The following PHF6 variants were observed in gnomAD, a reference collection of about 807,000 sequenced individuals.
The protein encoded by PHF6 is PHD-like zinc finger protein.
PHF6 carries 7 observed loss-of-function variants against 34.0 expected under a neutral mutation model. The ratio of observed to expected loss-of-function variants is 0.21; its 90% CI spans 0.12 to 0.39. The LOEUF is 0.39. Among genes scored for constraint, PHF6 ranks in the 10% least tolerant of loss-of-function variants. The probability of loss-of-function intolerance (pLI) is 1.00; values close to 1 mark genes in which losing one functional copy is unlikely to be tolerated. For missense variants in PHF6, 128 were observed against 262.8 expected (o/e 0.49, Z 3.55); for synonymous variants, 89 against 88.4 (o/e 1.01, Z -0.04).
At chrX:134,379,445 T>C (rs943025764) in intron 3 of PHF6, among the ~76,000 whole-genome samples, 49 of 87,107 alleles carry the variant, frequency 5.6e-4, no homozygotes, top group African/African-American at 1.9e-3. Flanking sequence ...TTTTTTTTTT[T>C]TTTTTTTTTT....
At chrX:134,424,236 A>G in intron 9 of PHF6, among the ~76,000 whole-genome samples, 1 of 111,814 alleles carries the variant, frequency 8.9e-6, no homozygotes, top group Non-Finnish European at 1.9e-5. Context: ...GTATACCCAA[A>G]TAAAAGGTTA....
Position 134,417,165 on chromosome X carries a change from A to G in PHF6, c.835-4A>G, listed in dbSNP as rs753037791. On this transcript the variant is annotated splice_region_variant and splice_polypyrimidine_tract_variant and intron_variant, in intron 8 of 10. Coordinates refer to ENST00000370803, the MANE Select transcript of PHF6 (RefSeq NM_001015877.2). ...CTTACGATTATTTCTCTTTCCTTATACAGAAATGTACACTTTGCAGTCAGC... is the reference window on the plus strand; with the variant it reads ...CTTACGATTATTTCTCTTTCCTTATGCAGAAATGTACACTTTGCAGTCAGC... The G allele has an allele frequency of 8.3e-7, 1 of 1,210,556 alleles. No individual in the cohort carries two copies. Among genetic ancestry groups the G allele is most frequent in the East Asian group, 3.0e-5 (1 of 33,820 alleles).
At chrX:134,380,237 C>T (rs1320220402) in intron 3 of PHF6, among the ~76,000 whole-genome samples, 15 of 106,899 alleles carry the variant, frequency 1.4e-4, no homozygotes, top group African/African-American at 4.8e-4. Flanking sequence ...AGCTCCACCT[C>T]CCAGGTTCAC....
rs1319295097 is a variant in PHF6, at chrX:134,378,072, A to G, written c.206A>G (p.Asp69Gly). 8.3e-7 allele frequency: 1 copy of G among 1,203,761 alleles called. No individual in the cohort carries two copies. Among genetic ancestry groups the G allele is most frequent in the East Asian group, 3.0e-5 (1 of 33,626 alleles). ...AGTCTTGGTGGATTTTCTATTGAAG[A>G]TGTCCAAAAGGAAATTAAAAGAGGC... ...NESLGGFSIE[D>G]VQKEIKRGTK... The change falls in exon 3 of 11, where the codon GAT (aspartate) becomes GGT (glycine). Residue 69 changes from aspartate (D) to glycine (G), a missense_variant. Physicochemically the swap from Asp to Gly is moderately conservative, Grantham distance 94 (BLOSUM62 -1). Around this residue, in one of 3 missense-constraint regions of PHF6, gnomAD observed 97 missense variants for 152.9 expected, o/e 0.63. Coordinates refer to ENST00000370803, the MANE Select transcript of PHF6 (RefSeq NM_001015877.2).
intron 3 of PHF6, among the ~76,000 whole-genome samples, chrX:134,392,800 GA>G (rs2077360596): frequency 9.4e-6 from 1 of 106,630 alleles, no homozygotes; most frequent in Non-Finnish European, 1.9e-5. Context: ...TAATTAAGTG[GA>G]TTTTTTTTTT....
At chrX:134,380,853 G>GTTTGTT (rs1321702317) in intron 3 of PHF6, among the ~76,000 whole-genome samples, 2 of 111,226 alleles carry the variant, frequency 1.8e-5, no homozygotes, top group Non-Finnish European at 3.8e-5. Flanking sequence ...TATTGTTTTT[G>GTTTGTT]TTTGTTTTTG....
chrX:134,377,535 ATAAAAT>A (rs2077283035), intron 1 of PHF6, 31 bp from the exon 2 acceptor site: 3 of 1,041,581 alleles, frequency 2.9e-6, no homozygotes, highest in African/African-American at 3.8e-5. Context: ...TGATTTTAAA[ATAAAAT>A]TAACATTGTC....
chrX:134,403,986 G>A (rs2077412778), intron 5 of PHF6, among the ~76,000 whole-genome samples: 1 of 112,238 alleles, frequency 8.9e-6, no homozygotes, highest in African/African-American at 3.2e-5. Context: ...ACAAGGAGAT[G>A]AATGTTGTCT....
In PHF6 at chrX:134,426,760, A is replaced by T. The variant is rs930875890; in HGVS notation, c.*1100A>T. 3 of 160,539 alleles carry T rather than the reference A, an allele frequency of 1.9e-5. No homozygotes were observed. The highest frequency in any genetic ancestry group is 2.1e-3 in the Middle Eastern group (1 of 477). The allele number at this position is 160,539 out of a possible 1,213,427, so 13.2% of individuals were successfully genotyped here. On this transcript the variant is annotated 3_prime_UTR_variant, in exon 11 of 11. Transcript: ENST00000370803. ...CTAAGAACCCAGCTTTTTAGAAAGG[A>T]TTTTCACACTGGCATTTCTAGGTAG... is the stretch of plus-strand genomic sequence containing the variant.
Position 134,428,194 on chromosome X carries a change from G to T in PHF6, c.*2534G>T. On this transcript the variant is annotated 3_prime_UTR_variant, in exon 11 of 11. Coordinates refer to ENST00000370803, the MANE Select transcript of PHF6 (RefSeq NM_001015877.2). ...GCAAGCGTATATTGAAGATTATTCT[G>T]GAGCATTTATTGCCTTACCAGAAAT... 1 of 150,473 alleles carries T rather than the reference G, an allele frequency of 6.6e-6. No individual in the cohort carries two copies. Among genetic ancestry groups the T allele is most frequent in the Non-Finnish European group, 1.3e-5 (1 of 76,861 alleles). The allele number at this position is 150,473 out of a possible 1,213,427, so 12.4% of individuals were successfully genotyped here.
chrX:134,377,898 A>G (rs753517215), intron 2 of PHF6, 107 bp from the exon 3 acceptor site: 7 of 918,282 alleles, frequency 7.6e-6, no homozygotes, highest in African/African-American at 2.0e-5. Context: ...CACTAATGCT[A>G]TGCCATTTTT....
chrX:134,391,737 G>A (rs947727817), intron 3 of PHF6, among the ~76,000 whole-genome samples: 45 of 111,719 alleles, frequency 4.0e-4, no homozygotes, highest in African/African-American at 1.4e-3. Flanking sequence ...GTAGAATTAC[G>A]TTTCACTAAG....
chrX:134,381,566 C>T (rs1023267495), intron 3 of PHF6, among the ~76,000 whole-genome samples: 77 of 107,580 alleles, frequency 7.2e-4, no homozygotes, highest in African/African-American at 2.6e-3. Context: ...GCGATCTCGG[C>T]TCACTGCAAC....
Position 134,427,520 on chromosome X carries a change from G to A in PHF6, c.*1860G>A, listed in dbSNP as rs771199965. 5 of 157,512 alleles carry A rather than the reference G, an allele frequency of 3.2e-5. No homozygotes were observed. The highest frequency in any genetic ancestry group is 6.2e-5 in the Non-Finnish European group (5 of 81,244). The allele number at this position is 157,512 out of a possible 1,213,427, so 13.0% of individuals were successfully genotyped here. On this transcript the variant is annotated 3_prime_UTR_variant, in exon 11 of 11. Transcript: ENST00000370803. ...TTTTTTAGGAAAAATGGAAGGTGCCGGGGGTAATCATGGCCAGTCAATAAT... is the reference window on the plus strand; with the variant it reads ...TTTTTTAGGAAAAATGGAAGGTGCCAGGGGTAATCATGGCCAGTCAATAAT...
rs752058449 is a variant in PHF6, at chrX:134,411,975, G to A, written c.419-1516G>A. 3.3e-3 allele frequency among the ~76,000 whole-genome samples: 374 copies of A among 111,894 alleles called. 4 individuals are homozygous for A. The highest frequency in any genetic ancestry group is 0.012 in the African/African-American group (356 of 30,854). The stretch of plus-strand genomic sequence containing the variant: ...TCTCGAACTCCTGACCTCGTGATCT[G>A]TTCACCTCGGCCTCCCAAAGTGCTG... On this transcript the variant is annotated intron_variant, in intron 5 of 10. Coordinates refer to ENST00000370803, the MANE Select transcript of PHF6 (RefSeq NM_001015877.2).
intron 8 of PHF6, among the ~76,000 whole-genome samples, chrX:134,416,773 A>G (rs1411091205): frequency 8.9e-6 from 1 of 111,997 alleles, no homozygotes; most frequent in African/African-American, 3.2e-5. Flanking sequence ...ACTGGTAGCA[A>G]TTCCTCTGTG....
intron 5 of PHF6, among the ~76,000 whole-genome samples, chrX:134,405,079 G>A (rs974081566): frequency 9.0e-6 from 1 of 111,566 alleles, no homozygotes; most frequent in Non-Finnish European, 1.9e-5. Flanking sequence ...ACTTCCACCT[G>A]CTTTTATCAC....
chrX:134,402,843 G>A (rs1161785249), intron 5 of PHF6, among the ~76,000 whole-genome samples: 30 of 111,413 alleles, frequency 2.7e-4, no homozygotes, highest in Non-Finnish European at 5.7e-5. Flanking sequence ...TTTTTTATCC[G>A]TTATGGTGAT....
intron 3 of PHF6, among the ~76,000 whole-genome samples, chrX:134,384,903 G>A (rs2077325132): frequency 9.0e-6 from 1 of 111,154 alleles, no homozygotes; most frequent in African/African-American, 3.3e-5. Context: ...CGCCCGCCTT[G>A]GCCTCCCAAA....
Sources: allele counts gnomAD v4.1 joint callset (sites outside exome capture counted in the v4.1 genomes callset), GRCh38; gene constraint gnomAD v4.1.1; regional missense constraint gnomAD v4.1.1; transcripts MANE v1.5; gene names NCBI Gene and HGNC (gene_info 2026-07-23, HGNC 2026-07-21).